FHOD3: variants seen among roughly 807,000 people sequenced by gnomAD.
The protein encoded by FHOD3 is formin homology 2 domain containing 3, also known as FH1/FH2 domain-containing protein 3.
FHOD3 carries 90 observed loss-of-function variants against 173.0 expected under a neutral mutation model. The ratio of observed to expected loss-of-function variants is 0.52; its 90% confidence interval spans 0.44 to 0.62. The LOEUF (loss-of-function observed/expected upper bound fraction) is 0.62, where lower values mean the gene tolerates loss of function less well. Ranked by LOEUF, FHOD3 falls within the 20% of genes least tolerant of loss-of-function variation. FHOD3 has a pLI of 0.00. For synonymous variants in FHOD3, 828 were observed against 823.0 expected (o/e 1.01, Z -0.10); for missense variants, 1,945 against 2,034.7 (o/e 0.96, Z 0.85).
At chr18:36,593,881 C>T (rs528529635) in intron 6 of FHOD3, among the ~76,000 whole-genome samples, 1 of 152,312 alleles carries the variant, frequency 6.6e-6, no homozygotes, top group South Asian at 2.1e-4. Context: ...GTGGAATGTA[C>T]AGCCCGAGGC....
intron 28 of FHOD3, among the ~76,000 whole-genome samples, chr18:36,776,106 G>A (rs183266527): frequency 3.3e-5 from 5 of 152,098 alleles, no homozygotes; most frequent in African/African-American, 1.2e-4. Context: ...TTCTGCTGTG[G>A]AAGTTTGCTG....
intron 3 of FHOD3, among the ~76,000 whole-genome samples, chr18:36,461,011 G>A (rs999680840): frequency 2.6e-5 from 4 of 152,184 alleles, no homozygotes; most frequent in Non-Finnish European, 1.5e-5. Flanking sequence ...GCGGTGCACA[G>A]GATGCAGGTT....
At chr18:36,547,915 T>C (rs1874384) in intron 5 of FHOD3, among the ~76,000 whole-genome samples, 1,841 of 152,306 alleles carry the variant, frequency 0.012, 28 homozygotes, top group African/African-American at 0.042. Context: ...ATTTTGGGCC[T>C]GGCACAGTGG....
chr18:36,749,421 CAT>C (rs1346679561), intron 24 of FHOD3, among the ~76,000 whole-genome samples: 1 of 152,178 alleles, frequency 6.6e-6, no homozygotes, highest in African/African-American at 2.4e-5. Context: ...TAAATGAGAA[CAT>C]GTGATATTTG....
At chr18:36,347,378 G>A (rs768446324) in intron 1 of FHOD3, among the ~76,000 whole-genome samples, 9 of 152,114 alleles carry the variant, frequency 5.9e-5, no homozygotes, top group Non-Finnish European at 7.4e-5. Flanking sequence ...GGAGACATCC[G>A]GCCTTTGTCT....
intron 10 of FHOD3, among the ~76,000 whole-genome samples, chr18:36,627,556 G>T (rs1474934715): frequency 2.6e-5 from 4 of 152,092 alleles, no homozygotes; most frequent in Non-Finnish European, 5.9e-5. Flanking sequence ...ATTCTTTTTG[G>T]AATTTCACTT....
intron 3 of FHOD3, among the ~76,000 whole-genome samples, chr18:36,406,081 TTGTTTTTGTTTTTG>T (rs1318241472): frequency 2.5e-4 from 34 of 137,948 alleles, no homozygotes; most frequent in South Asian, 2.9e-4. Flanking sequence ...TGCCTGTTTT[TTGTTTTTGTTTTTG>T]TTTTTTTGTT....
intron 3 of FHOD3, among the ~76,000 whole-genome samples, chr18:36,417,813 C>T (rs2049752340): frequency 6.6e-6 from 1 of 152,182 alleles, no homozygotes; most frequent in African/African-American, 2.4e-5. Flanking sequence ...TTAAGCCACT[C>T]AGTAAATGAA....
rs560376493 is a variant in FHOD3 at position 36,744,761 on chromosome 18, A to G, written c.4041+568A>G. 4.6e-5 allele frequency among the ~76,000 whole-genome samples: 7 copies of G among 152,358 alleles called. No homozygotes were observed. The South Asian group carries it at 1.4e-3, about 32-fold the overall frequency. ...GCAGAGTTAATATCTTCATGAACTT[A>G]TGCTTCATTAGAAAAGAGACAGTCA... is the stretch of plus-strand genomic sequence containing the variant. On this transcript the variant is annotated intron_variant, in intron 23 of 28. Transcript: ENST00000590592.
chr18:36,392,068 T>C (rs1224543786), intron 3 of FHOD3, among the ~76,000 whole-genome samples: 4 of 152,186 alleles, frequency 2.6e-5, no homozygotes, highest in Admixed American at 2.6e-4. Flanking sequence ...GGGGTGGACT[T>C]TGGAGCTGGC....
rs772218157 is a variant in FHOD3 at position 36,693,253 on chromosome 18, A to T, written c.2066A>T (p.Glu689Val). Residue 689 changes from glutamate to valine, a missense_variant, in exon 17 of 29, where the codon GAG (glutamate) becomes GTG (valine). Glu to Val is a moderately radical substitution (Grantham distance 121). Coordinates refer to ENST00000590592, the MANE Select transcript of FHOD3 (RefSeq NM_001281740.3). ...EQLAAEEHEK[E>V]LRSRSVSRGR... ...TTGGCAGCTGAGGAGCACGAGAAGGAGCTGAGAAGCCGGAGTGTGAGCCGG... is the reference window on the plus strand; with the variant it reads ...TTGGCAGCTGAGGAGCACGAGAAGGTGCTGAGAAGCCGGAGTGTGAGCCGG... 2.5e-6 allele frequency: 4 copies of T among 1,613,864 alleles called. No homozygotes were observed. The highest frequency in any genetic ancestry group is 3.4e-6 in the Non-Finnish European group (4 of 1,179,860).
rs1555704498 is a variant in FHOD3, at chr18:36,437,665, C to CTTTTTTTT, written c.338-64257_338-64250dup. Among the ~76,000 whole-genome samples the CTTTTTTTT allele has an allele frequency of 8.1e-3, 565 of 69,438 alleles. 11 individuals are homozygous for CTTTTTTTT. Among genetic ancestry groups the CTTTTTTTT allele is most frequent in the African/African-American group, 0.025 (547 of 22,246 alleles). 45.6% of individuals were successfully genotyped at this position (69,438 alleles called of 152,430 possible). A position where few individuals can be genotyped will look rare whatever the true frequency, so the allele number is the denominator to read the frequency against. On this transcript the variant is annotated intron_variant, in intron 3 of 28. Transcript: ENST00000590592. ...CATTGAGCTTCTGGTTTCTTTCTTT[C>CTTTTTTTT]TTTTTTTTTTTTTTTTTAAGACAGA...
chr18:36,682,395 C>T (rs1206049840), intron 15 of FHOD3, among the ~76,000 whole-genome samples: 1 of 151,948 alleles, frequency 6.6e-6, no homozygotes, highest in Admixed American at 6.6e-5. Context: ...CTCCTTAATC[C>T]TTTGAAGTCA....
At chr18:36,747,700 G>C (rs749503522) in intron 24 of FHOD3, among the ~76,000 whole-genome samples, 4 of 152,212 alleles carry the variant, frequency 2.6e-5, no homozygotes, top group African/African-American at 4.8e-5. Flanking sequence ...GTCAGACCTT[G>C]TTGTGCCCAC....
chr18:36,314,287 G>A (rs976439540), intron 1 of FHOD3, among the ~76,000 whole-genome samples: 1 of 152,158 alleles, frequency 6.6e-6, no homozygotes, highest in Non-Finnish European at 1.5e-5. Context: ...ACTTTACACA[G>A]GGACAACGCC....
chr18:36,368,101 TTCTC>T (rs146735866), intron 2 of FHOD3, among the ~76,000 whole-genome samples: 131 of 149,390 alleles, frequency 8.8e-4, no homozygotes, highest in African/African-American at 3.0e-3. Flanking sequence ...CCAGCTCCTA[TTCTC>T]TCTCTCTCTC....
chr18:36,633,983 C>A (rs1313913835), intron 10 of FHOD3, among the ~76,000 whole-genome samples: 6 of 152,138 alleles, frequency 3.9e-5, no homozygotes, highest in African/African-American at 1.2e-4. Context: ...TCATAAGTAA[C>A]CACTACCTTG....
chr18:36,411,299 C>G (rs909487567), intron 3 of FHOD3, among the ~76,000 whole-genome samples: 1 of 152,154 alleles, frequency 6.6e-6, no homozygotes, highest in Admixed American at 6.5e-5. Context: ...TTAAATTTCA[C>G]TTTTAAAACT....
intron 4 of FHOD3, among the ~76,000 whole-genome samples, chr18:36,504,534 T>C (rs964348909): frequency 1.3e-5 from 2 of 151,024 alleles, no homozygotes; most frequent in South Asian, 4.2e-4. Flanking sequence ...TAGATGGGAA[T>C]TGAACAATGA....
Sources: gnomAD v4.1 joint callset for allele counts (sites outside exome capture counted in the v4.1 genomes callset) on GRCh38, gnomAD v4.1.1 for gene constraint, MANE v1.5 for transcripts, NCBI Gene and HGNC (gene_info 2026-07-23, HGNC 2026-07-21) for gene names.